ARHGEF3: variants seen among roughly 807,000 people sequenced by gnomAD.
ARHGEF3 encodes 59.8 kDA protein.
ARHGEF3 carries 28 observed loss-of-function variants against 63.2 expected under a neutral mutation model. The ratio of observed to expected loss-of-function variants is 0.44; its 90% CI spans 0.33 to 0.61. ARHGEF3 has a LOEUF of 0.61. Among genes scored for constraint, ARHGEF3 ranks in the 20% least tolerant of loss-of-function variants. The probability of loss-of-function intolerance (pLI) is 0.03; values close to 1 mark genes in which losing one functional copy is unlikely to be tolerated. For synonymous variants in ARHGEF3, 266 were observed against 254.2 expected (o/e 1.05, Z -0.44); for missense variants, 533 against 659.3 (o/e 0.81, Z 2.10).
chr3:57,076,003 T>C (rs542413791), intron 1 of ARHGEF3, among the ~76,000 whole-genome samples: 3 of 152,324 alleles, frequency 2.0e-5, no homozygotes, highest in Admixed American at 2.0e-4. Flanking sequence ...AAACTTATTT[T>C]CAGTTGACTT....
At chr3:56,756,230 T>C (rs1235546227) in intron 2 of ARHGEF3, among the ~76,000 whole-genome samples, 5 of 152,228 alleles carry the variant, frequency 3.3e-5, no homozygotes, top group Non-Finnish European at 5.9e-5. Flanking sequence ...TCACACTTAT[T>C]GGAGACTTTG....
intron 4 of ARHGEF3, among the ~76,000 whole-genome samples, chr3:56,873,504 C>A (rs375942532): frequency 2.6e-5 from 4 of 152,048 alleles, no homozygotes; most frequent in South Asian, 2.1e-4. Flanking sequence ...TCTGTTCGTG[C>A]GTTAGTTTGC....
At chr3:57,002,132 C>T (rs889867584) in intron 2 of ARHGEF3, among the ~76,000 whole-genome samples, 13 of 151,622 alleles carry the variant, frequency 8.6e-5, no homozygotes, top group East Asian at 1.9e-4. Flanking sequence ...ACCATGGTCT[C>T]GATCTCCTGA....
intron 3 of ARHGEF3, among the ~76,000 whole-genome samples, chr3:56,926,005 T>C (rs920465814): frequency 2.6e-4 from 40 of 152,346 alleles, no homozygotes; most frequent in African/African-American, 7.7e-4. Flanking sequence ...GCATCAGGCA[T>C]GCAAAAATAC....
chr3:56,784,885 G>T (rs1387157359), intron 1 of ARHGEF3, among the ~76,000 whole-genome samples: 1 of 152,212 alleles, frequency 6.6e-6, no homozygotes, highest in Non-Finnish European at 1.5e-5. Context: ...TTCCTCTACT[G>T]TGAAGTGAAG....
chr3:57,017,981 C>T (rs1703091619), intron 2 of ARHGEF3, among the ~76,000 whole-genome samples: 1 of 152,174 alleles, frequency 6.6e-6, no homozygotes, highest in Non-Finnish European at 1.5e-5. Context: ...GGCAAAACTT[C>T]ATTCAAGATG....
intron 4 of ARHGEF3, among the ~76,000 whole-genome samples, chr3:56,829,436 G>T (rs1453378990): frequency 6.6e-6 from 1 of 152,136 alleles, no homozygotes. Context: ...CCCCACATTT[G>T]GCCCAGGTTG....
At chr3:56,750,122 G>A (rs1158701354) in intron 6 of ARHGEF3, among the ~76,000 whole-genome samples, 3 of 152,186 alleles carry the variant, frequency 2.0e-5, no homozygotes, top group African/African-American at 7.2e-5. Flanking sequence ...AGTGATGAGA[G>A]ACCTAATCTT....
intron 1 of ARHGEF3, among the ~76,000 whole-genome samples, chr3:56,774,095 C>G (rs1323421191): frequency 6.6e-6 from 1 of 152,190 alleles, no homozygotes; most frequent in African/African-American, 2.4e-5. Context: ...CATCTGCCAG[C>G]TTTTAATTCA....
chr3:56,747,246 G>C (rs1173193685), intron 6 of ARHGEF3, among the ~76,000 whole-genome samples: 1 of 152,196 alleles, frequency 6.6e-6, no homozygotes, highest in African/African-American at 2.4e-5. Context: ...CAAATCAGCA[G>C]TAACCATTGG....
At chr3:56,988,541 A>G (rs573058221) in intron 2 of ARHGEF3, among the ~76,000 whole-genome samples, 1 of 152,304 alleles carries the variant, frequency 6.6e-6, no homozygotes, top group East Asian at 1.9e-4. Flanking sequence ...TAGCATCAAC[A>G]AGATTAAAAG....
chr3:56,750,982 A>T (rs765782198), intron 6 of ARHGEF3, 74 bp downstream of exon 6: 47 of 1,050,658 alleles, frequency 4.5e-5, no homozygotes, highest in Non-Finnish European at 5.9e-5. Context: ...AAAATAAAAA[A>T]AGTCTAGCTA....
chr3:57,035,101 CT>C lies in ARHGEF3; in HGVS notation c.48del (p.Glu17LysfsTer47). The C allele has an allele frequency of 6.5e-7, 1 of 1,546,380 alleles. No homozygotes were observed. Among genetic ancestry groups the C allele is most frequent in the African/African-American group, 1.4e-5 (1 of 72,804 alleles). On this transcript the variant is annotated frameshift_variant, in exon 2 of 13. Coordinates refer to the ARHGEF3 transcript ENST00000338458. LOFTEE classifies it high-confidence loss of function. ...GATTATTTTTACCTTTCCTTGTTTT[CT>C]TCCATTCCTCTACAGCTGCATTGAT... is the stretch of plus-strand genomic sequence containing the variant.
intron 4 of ARHGEF3, among the ~76,000 whole-genome samples, chr3:56,855,713 C>G (rs2039849849): frequency 6.6e-6 from 1 of 151,468 alleles, no homozygotes; most frequent in South Asian, 2.1e-4. Flanking sequence ...GGCTGCCTGT[C>G]TTCCCTCCTT....
intron 2 of ARHGEF3, among the ~76,000 whole-genome samples, chr3:56,995,770 T>G (rs778394987): frequency 1.3e-5 from 2 of 152,098 alleles, no homozygotes; most frequent in Non-Finnish European, 2.9e-5. Context: ...AAGTTGAAGC[T>G]AAAATTGGAC....
At chr3:56,854,211 A>T (rs998476348) in intron 4 of ARHGEF3, among the ~76,000 whole-genome samples, 13 of 152,078 alleles carry the variant, frequency 8.5e-5, no homozygotes, top group Admixed American at 7.9e-4. Flanking sequence ...CAAAACAAAA[A>T]AACAATTAGG....
chr3:56,965,525 A>G (rs1374985146), intron 2 of ARHGEF3, among the ~76,000 whole-genome samples: 2 of 152,202 alleles, frequency 1.3e-5, no homozygotes, highest in Non-Finnish European at 2.9e-5. Context: ...TCTATAGAAG[A>G]TAAAAAGCAT....
At chr3:56,876,686 A>C (rs1040439046) in intron 4 of ARHGEF3, among the ~76,000 whole-genome samples, 1 of 152,158 alleles carries the variant, frequency 6.6e-6, no homozygotes, top group Non-Finnish European at 1.5e-5. Context: ...CAAAACAAAA[A>C]AAAAAATGCA....
chr3:57,050,216 C>T (rs772594114), intron 1 of ARHGEF3, among the ~76,000 whole-genome samples: 3 of 152,230 alleles, frequency 2.0e-5, no homozygotes, highest in South Asian at 2.1e-4. Flanking sequence ...CAAGCCCAAT[C>T]GGCCAAGTCA....
Sources: allele counts gnomAD v4.1 joint callset (sites outside exome capture counted in the v4.1 genomes callset), GRCh38; gene constraint gnomAD v4.1.1; transcripts MANE v1.5; gene names NCBI Gene and HGNC (gene_info 2026-07-23, HGNC 2026-07-21).